Variants in CSMD1 observed in about 807,000 individuals in gnomAD.
CSMD1 encodes the protein CUB and sushi domain-containing protein 1.
Under a neutral mutation model 417.5 loss-of-function variants are expected in CSMD1, and 213 were observed. That is an observed-to-expected ratio of 0.51 (90% CI 0.46 to 0.57). CSMD1 has a LOEUF of 0.57. CSMD1 is among the 20% of genes least tolerant of loss of function. CSMD1 has a pLI of 0.00. For missense variants in CSMD1, 6,923 were observed against 4,529.7 expected, an observed-to-expected ratio of 1.53 and a Z score of -15.17; for synonymous variants, 2,862 against 1,736.8, an observed-to-expected ratio of 1.65 and a Z score of -16.11.
At chr8:4,591,517 T>A (rs763346259) in intron 2 of CSMD1, among the ~76,000 whole-genome samples, 4 of 152,080 alleles carry the variant, frequency 2.6e-5, no homozygotes, top group Non-Finnish European at 1.5e-5. Context: ...GTCACTGTGG[T>A]ATAGCGTGAT....
At chr8:3,281,397 T>A (rs10866950) in intron 26 of CSMD1, among the ~76,000 whole-genome samples, 114,202 of 151,912 alleles carry the variant, frequency 0.75, 43,307 homozygotes, top group Admixed American at 0.84. Context: ...TGAGCCAAGA[T>A]CATGCCACTG....
intron 4 of CSMD1, among the ~76,000 whole-genome samples, chr8:4,008,304 T>C (rs1303809110): frequency 6.6e-6 from 1 of 152,096 alleles, no homozygotes. Context: ...ATAGTTATTC[T>C]GTTCAATTTT....
In CSMD1 at chr8:4,807,725, T is replaced by C. The variant is rs921298380; in HGVS notation, c.86-170167A>G. Among the ~76,000 whole-genome samples, 16 of 152,222 alleles carry C rather than the reference T, an allele frequency of 1.1e-4. No homozygotes were observed. In the East Asian group the frequency reaches 3.1e-3, roughly 29 times the overall value. The stretch of plus-strand genomic sequence containing the variant: ...TATATGTTAAACTGAATAAAAATAC[T>C]ACCTGTAGTCTTCTGTTAAGAATCA... On this transcript the variant is annotated intron_variant, in intron 1 of 69. Transcript: ENST00000635120.
chr8:3,565,960 C>T (rs1159703703), intron 10 of CSMD1, among the ~76,000 whole-genome samples: 4 of 152,210 alleles, frequency 2.6e-5, no homozygotes, highest in African/African-American at 7.2e-5. Flanking sequence ...AACGTATACG[C>T]ATTCTCATGC....
At chr8:3,240,016 T>C (rs186315210) in intron 26 of CSMD1, among the ~76,000 whole-genome samples, 127 of 152,064 alleles carry the variant, frequency 8.4e-4, no homozygotes, top group African/African-American at 3.0e-3. Flanking sequence ...TTGGAAGTTA[T>C]GAGAACTGTA....
intron 1 of CSMD1, among the ~76,000 whole-genome samples, chr8:4,866,152 G>C (rs891168457): frequency 1.3e-5 from 2 of 151,928 alleles, no homozygotes; most frequent in African/African-American, 4.8e-5. Flanking sequence ...ATGCTGCAAA[G>C]TTTATGACAT....
chr8:4,399,607 A>T (rs13263193), intron 3 of CSMD1, among the ~76,000 whole-genome samples: 2,168 of 152,104 alleles, frequency 0.014, 16 homozygotes, highest in South Asian at 0.027. Context: ...CCATATTTGT[A>T]GTTGTAACAC....
chr8:3,212,001 C>A (rs768040658), intron 30 of CSMD1, among the ~76,000 whole-genome samples: 3 of 152,168 alleles, frequency 2.0e-5, no homozygotes, highest in Non-Finnish European at 4.4e-5. Flanking sequence ...CTCGTGCCCA[C>A]CTCACCAAGT....
At chr8:4,312,164 G>T (rs1798620436) in intron 3 of CSMD1, among the ~76,000 whole-genome samples, 1 of 151,764 alleles carries the variant, frequency 6.6e-6, no homozygotes, top group South Asian at 2.1e-4. Context: ...CTTCCTACGT[G>T]CATTTAGTCA....
chr8:4,420,295 A>G, intron 2 of CSMD1, among the ~76,000 whole-genome samples: 2 of 152,138 alleles, frequency 1.3e-5, no homozygotes, highest in East Asian at 1.9e-4. Context: ...TTCTTCTTGA[A>G]AATACTTACT....
intron 1 of CSMD1, among the ~76,000 whole-genome samples, chr8:4,817,614 G>A (rs953418116): frequency 2.0e-5 from 3 of 152,142 alleles, no homozygotes; most frequent in Non-Finnish European, 2.9e-5. Context: ...TACAATTTTT[G>A]AATCAAAGGA....
rs958291317 is a variant in CSMD1 at position 4,301,661 on chromosome 8, C to T, written c.415+118292G>A. 4.0e-4 allele frequency among the ~76,000 whole-genome samples: 61 copies of T among 152,314 alleles called. 1 individual carries two copies. The highest frequency in any genetic ancestry group is 1.3e-3 in the African/African-American group (56 of 41,568). ...TGTTTTCTGCTGTTAACTTTCAGGC[C>T]TCTTCAATTAGGGCATGGACCAGAT... On this transcript the variant is annotated intron_variant, in intron 3 of 69. Coordinates refer to ENST00000635120, the MANE Select transcript of CSMD1 (RefSeq NM_033225.6).
chr8:3,911,482 T>C (rs893278590), intron 5 of CSMD1, among the ~76,000 whole-genome samples: 5 of 150,202 alleles, frequency 3.3e-5, no homozygotes, highest in Admixed American at 1.3e-4. Flanking sequence ...GAGCCAAGAT[T>C]GCGCCACTGC....
intron 5 of CSMD1, among the ~76,000 whole-genome samples, chr8:3,949,063 AG>A (rs1958441378): frequency 6.6e-6 from 1 of 152,196 alleles, no homozygotes; most frequent in Non-Finnish European, 1.5e-5. Context: ...TGTTTTTAAA[AG>A]CTATTTTTAA....
chr8:3,841,800 C>T (rs747637653), intron 5 of CSMD1, among the ~76,000 whole-genome samples: 4 of 152,008 alleles, frequency 2.6e-5, no homozygotes, highest in Non-Finnish European at 4.4e-5. Context: ...ACGTGCAAAT[C>T]AGCCCATGAT....
intron 1 of CSMD1, among the ~76,000 whole-genome samples, chr8:4,820,821 A>T (rs577127259): frequency 6.6e-6 from 1 of 152,214 alleles, no homozygotes; most frequent in South Asian, 2.1e-4. Flanking sequence ...AGTAACTGTA[A>T]TACTTGTTGC....
At chr8:3,070,568 T>TA (rs1165671787) in intron 49 of CSMD1, among the ~76,000 whole-genome samples, 1 of 152,202 alleles carries the variant, frequency 6.6e-6, no homozygotes. Context: ...AGCTCTTCAC[T>TA]AAGGCATAAC....
rs182463104 is a variant in CSMD1 at position 4,281,685 on chromosome 8, T to C, written c.415+138268A>G. ...TCTATATAGTAACATCTGTATGTGA[T>C]AACATATACATACAAGTCATTTTTT... On this transcript the variant is annotated intron_variant, in intron 3 of 69. Coordinates refer to ENST00000635120, the MANE Select transcript of CSMD1 (RefSeq NM_033225.6). Among the ~76,000 whole-genome samples the C allele has an allele frequency of 4.2e-3, 647 of 152,370 alleles. 2 individuals are homozygous for C. Among genetic ancestry groups the C allele is most frequent in the Non-Finnish European group, 7.5e-3 (509 of 68,038 alleles).
intron 23 of CSMD1, among the ~76,000 whole-genome samples, chr8:3,338,764 T>C (rs1807442981): frequency 6.6e-6 from 1 of 152,120 alleles, no homozygotes; most frequent in Admixed American, 6.5e-5. Context: ...CCATATGGAA[T>C]TGTGGCAGCT....
Sources: allele counts gnomAD v4.1 joint callset (sites outside exome capture counted in the v4.1 genomes callset), GRCh38; gene constraint gnomAD v4.1.1; transcripts MANE v1.5; gene names NCBI Gene and HGNC (gene_info 2026-07-23, HGNC 2026-07-21).